ZNF223: variants seen among roughly 807,000 people sequenced by gnomAD.
ZNF223 encodes zinc finger protein 223.
ZNF223 carries 9 observed loss-of-function variants against 12.3 expected under a neutral mutation model. The observed-to-expected ratio is 0.73, with a 90% confidence interval of 0.44 to 1.28. The LOEUF (loss-of-function observed/expected upper bound fraction) is 1.28. Among genes scored for constraint, ZNF223 ranks in the 50% most tolerant of loss-of-function variants. ZNF223 has a pLI of 0.00. For synonymous variants in ZNF223, 171 were observed against 195.2 expected, an observed-to-expected ratio of 0.88 and a Z score of 1.03; for missense variants, 506 against 579.0, an observed-to-expected ratio of 0.87 and a Z score of 1.29.
chr19:44,060,805 A>G lies in ZNF223; in HGVS notation c.199A>G (p.Met67Val). 3 of 1,613,508 alleles carry G rather than the reference A, an allele frequency of 1.9e-6. No individual in the cohort carries two copies. Among genetic ancestry groups the G allele is most frequent in the South Asian group, 2.2e-5 (2 of 91,074 alleles). ...FHFLREEKFW[M>V]MDIATQREGN... The stretch of plus-strand genomic sequence containing the variant: ...CTTTCTAAGGGAGGAAAAGTTTTGG[A>G]TGATGGATATAGCAACCCAAAGGGA... The change falls in exon 4 of 5, where the codon ATG (methionine) becomes GTG (valine). Residue 67 changes from methionine to valine, a missense_variant. Physicochemically the swap from Met to Val is conservative, Grantham distance 21. Transcript: ENST00000434772.
At chr19:44,065,217 T>C (rs1483802185) in intron 4 of ZNF223, among the ~76,000 whole-genome samples, 2 of 152,216 alleles carry the variant, frequency 1.3e-5, no homozygotes, top group Admixed American at 6.5e-5. Context: ...ACCTCTCAGA[T>C]ACTGAGGACA....
In ZNF223 at chr19:44,066,825, A is replaced by T; in HGVS notation, c.997A>T (p.Lys333Ter). The part of the protein sequence containing the change: ...KGFIRRLDLC[K>*]HQTIHTGEKP... ...CTTCATTCGTAGGCTGGATTTGTGT[A>T]AGCATCAGACGATCCACACAGGAGA... is the stretch of plus-strand genomic sequence containing the variant. Residue 333 changes from lysine to a stop codon, truncating the protein, a stop_gained, in exon 5 of 5, where the codon AAG (lysine) becomes TAG (stop). Coordinates refer to ENST00000434772, the MANE Select transcript of ZNF223 (RefSeq NM_013361.6). LOFTEE classifies it low-confidence loss of function (END_TRUNC). 1 of 1,613,920 alleles carries T rather than the reference A, an allele frequency of 6.2e-7. No homozygotes were observed. Among genetic ancestry groups the T allele is most frequent in the Non-Finnish European group, 8.5e-7 (1 of 1,179,980 alleles).
chr19:44,060,539 C>T lies in ZNF223; in HGVS notation c.100C>T (p.Arg34Ter), dbSNP rs200231509. The change falls in exon 3 of 5, where the codon CGA becomes TGA. Residue 34 changes from arginine (R) to a stop codon, truncating the protein, a stop_gained. Coordinates refer to ENST00000434772, the MANE Select transcript of ZNF223 (RefSeq NM_013361.6). LOFTEE classifies it high-confidence loss of function. The part of the protein sequence containing the change: ...LLDLAQRKLY[R>*]DVMLENFRNL... ...GGACCTTGCCCAGAGGAAGCTGTATCGAGATGTGATGCTGGAGAACTTCAG... is the reference window on the plus strand; with the variant it reads ...GGACCTTGCCCAGAGGAAGCTGTATTGAGATGTGATGCTGGAGAACTTCAG... 6.2e-6 allele frequency: 10 copies of T among 1,614,024 alleles called. No individual in the cohort carries two copies. In the East Asian group the frequency reaches 6.7e-5, roughly 11 times the overall value.
intron 3 of ZNF223, 72 bp downstream of exon 3, chr19:44,060,653 T>C: frequency 6.2e-7 from 1 of 1,613,426 alleles, no homozygotes. Context: ...GTGTTCAAGT[T>C]TGAGTGTGCA....
Position 44,056,602 on chromosome 19 carries a change from T to C in ZNF223, c.15+1411T>C, listed in dbSNP as rs1200349394. Reference sequence around the variant, plus strand: ...GCCTCACCATTTTTTTTTTTTTTTTTTTTTTTTTTGAGATAGAGTCTCTCT... The same window carrying C: ...GCCTCACCATTTTTTTTTTTTTTTTCTTTTTTTTTGAGATAGAGTCTCTCT... On this transcript the variant is annotated intron_variant, in intron 2 of 4. Coordinates refer to ENST00000434772, the MANE Select transcript of ZNF223 (RefSeq NM_013361.6). Among the ~76,000 whole-genome samples, 4 of 133,092 alleles carry C rather than the reference T, an allele frequency of 3.0e-5. 1 individual carries two copies. The East Asian group carries it at 7.0e-4, about 23-fold the overall frequency. The allele number at this position is 133,092 out of a possible 152,430, so 87.3% of individuals were successfully genotyped here. A position where few individuals can be genotyped will look rare whatever the true frequency, so the allele number is the denominator to read the frequency against.
At chr19:44,059,554 G>C (rs571724372) in intron 2 of ZNF223, among the ~76,000 whole-genome samples, 2 of 152,342 alleles carry the variant, frequency 1.3e-5, no homozygotes, top group East Asian at 3.9e-4. Flanking sequence ...ACTGCAGCTT[G>C]AGATAAGGAA....
intron 1 of ZNF223, among the ~76,000 whole-genome samples, chr19:44,053,316 G>C (rs950630506): frequency 5.3e-5 from 8 of 152,142 alleles, no homozygotes; most frequent in Non-Finnish European, 8.8e-5. Flanking sequence ...ATCTTGGTGA[G>C]GGGGATGTGG....
chr19:44,066,676 CA>C lies in ZNF223; in HGVS notation c.849del (p.Glu285ArgfsTer11). 6.2e-7 allele frequency: 1 copy of C among 1,614,178 alleles called. No homozygotes were observed. The highest frequency in any genetic ancestry group is 1.7e-5 in the Admixed American group (1 of 60,032). ...CTTCAGAAACATCAGAGAATTCACA[CA>C]GGGGAGAAGCCATTCAAATGTGAGA... ...FQLQKHQRIHTGEKPFKCEIC... is the reference protein window; with the variant it reads ...FQLQKHQRIHXGEKPFKCEIC... On this transcript the variant is annotated frameshift_variant, in exon 5 of 5. Coordinates refer to ENST00000434772, the MANE Select transcript of ZNF223 (RefSeq NM_013361.6). LOFTEE classifies it low-confidence loss of function (END_TRUNC).
At chr19:44,063,747 A>G (rs950334288) in intron 4 of ZNF223, among the ~76,000 whole-genome samples, 5 of 152,266 alleles carry the variant, frequency 3.3e-5, no homozygotes, top group Admixed American at 2.0e-4. Context: ...AGCGACTTGT[A>G]TCCTTGCCAC....
intron 4 of ZNF223, among the ~76,000 whole-genome samples, chr19:44,062,801 C>T (rs577290546): frequency 1.6e-3 from 247 of 152,296 alleles, no homozygotes; most frequent in African/African-American, 5.8e-3. Flanking sequence ...ATCTGCAGCC[C>T]ATTTGCCTTT....
At position 44,067,154 on chromosome 19, in the gene ZNF223, C is replaced by T; in HGVS notation, c.1326C>T (p.Tyr442=). The change falls in exon 5 of 5, where the codon TAC becomes TAT. Residue 442 remains tyrosine, a synonymous_variant. Transcript: ENST00000434772. The part of the protein sequence containing the change: ...DCGKKLVYRS[Y]RKDQQKNHSG... ...GAAAGAAGCTTGTATACCGGTCATA[C>T]CGTAAAGACCAACAAAAAAACCACA... is the stretch of plus-strand genomic sequence containing the variant. The T allele has an allele frequency of 6.2e-7, 1 of 1,613,134 alleles. No homozygotes were observed. Among genetic ancestry groups the T allele is most frequent in the South Asian group, 1.1e-5 (1 of 90,730 alleles).
At position 44,067,415 on chromosome 19, in the gene ZNF223, T is replaced by C. The variant is rs1599873127; in HGVS notation, c.*138T>C. ...GTTGAGAAAATTAAAAATTCATTGTTCCAGCAGTTTGAAAATAAATTGTTG... is the reference window on the plus strand; with the variant it reads ...GTTGAGAAAATTAAAAATTCATTGTCCCAGCAGTTTGAAAATAAATTGTTG... On this transcript the variant is annotated 3_prime_UTR_variant, in exon 5 of 5. Transcript: ENST00000434772. 2 of 1,066,138 alleles carry C rather than the reference T, an allele frequency of 1.9e-6. No homozygotes were observed. Among genetic ancestry groups the C allele is most frequent in the Middle Eastern group, 4.1e-4 (2 of 4,876 alleles). The allele number at this position is 1,066,138 out of a possible 1,614,324, so 66.0% of individuals were successfully genotyped here. A position where few individuals can be genotyped will look rare whatever the true frequency, so the allele number is the denominator to read the frequency against.
chr19:44,061,975 C>T (rs1180082377), intron 4 of ZNF223, among the ~76,000 whole-genome samples: 2 of 152,168 alleles, frequency 1.3e-5, no homozygotes, highest in African/African-American at 4.8e-5. Context: ...ACTGATAGAT[C>T]ACCTGTTCCC....
chr19:44,064,466 A>G (rs1000386562), intron 4 of ZNF223, among the ~76,000 whole-genome samples: 3 of 152,174 alleles, frequency 2.0e-5, no homozygotes, highest in African/African-American at 4.8e-5. Flanking sequence ...GAAAAATAAG[A>G]TTAAGTATTT....
chr19:44,066,821 G>C lies in ZNF223; in HGVS notation c.993G>C (p.Leu331Phe), dbSNP rs1310551119. 2 of 1,613,420 alleles carry C rather than the reference G, an allele frequency of 1.2e-6. No individual in the cohort carries two copies. Among genetic ancestry groups the C allele is most frequent in the South Asian group, 2.2e-5 (2 of 91,040 alleles). The change falls in exon 5 of 5, where the codon TTG (leucine) becomes TTC (phenylalanine). Residue 331 changes from leucine to phenylalanine, a missense_variant. By Grantham distance (22) the Leu-to-Phe change is conservative (BLOSUM62 0). Coordinates refer to ENST00000434772, the MANE Select transcript of ZNF223 (RefSeq NM_013361.6). ...YGKGFIRRLD[L>F]CKHQTIHTGE... Reference sequence around the variant, plus strand: ...AAGGCTTCATTCGTAGGCTGGATTTGTGTAAGCATCAGACGATCCACACAG... The same window carrying C: ...AAGGCTTCATTCGTAGGCTGGATTTCTGTAAGCATCAGACGATCCACACAG...
At position 44,067,157 on chromosome 19, in the gene ZNF223, TA is replaced by T. The variant is rs753103881; in HGVS notation, c.1332del (p.Asp445ThrfsTer25). 21 of 1,612,888 alleles carry T rather than the reference TA, an allele frequency of 1.3e-5. No homozygotes were observed. Among genetic ancestry groups the T allele is most frequent in the Non-Finnish European group, 1.8e-5 (21 of 1,179,792 alleles). ...AGAAGCTTGTATACCGGTCATACCGTAAAGACCAACAAAAAAACCACAGTGG... is the reference window on the plus strand; with the variant it reads ...AGAAGCTTGTATACCGGTCATACCGTAAGACCAACAAAAAAACCACAGTGG... ...GKKLVYRSYR[K>X]DQQKNHSGEN... On this transcript the variant is annotated frameshift_variant, in exon 5 of 5. Transcript: ENST00000434772. LOFTEE classifies it low-confidence loss of function (END_TRUNC).
intron 1 of ZNF223, among the ~76,000 whole-genome samples, chr19:44,054,171 TC>T (rs1300755353): frequency 4.4e-4 from 67 of 150,764 alleles, no homozygotes; most frequent in African/African-American, 1.6e-3. Context: ...GATGCCCTTT[TC>T]TTTTTTTTTT....
intron 1 of ZNF223, among the ~76,000 whole-genome samples, chr19:44,053,094 ATT>A: frequency 6.6e-6 from 1 of 152,190 alleles, no homozygotes; most frequent in East Asian, 1.9e-4. Context: ...ATAGTTGTTC[ATT>A]TGGAGTTTGA....
Position 44,067,063 on chromosome 19 carries a change from C to T in ZNF223, c.1235C>T (p.Ala412Val). The T allele has an allele frequency of 6.2e-7, 1 of 1,613,774 alleles. No homozygotes were observed. The highest frequency in any genetic ancestry group is 8.5e-7 in the Non-Finnish European group (1 of 1,179,956). The change falls in exon 5 of 5, where the codon GCC becomes GTC. Residue 412 changes from alanine (A) to valine (V), a missense_variant. Transcript: ENST00000434772. ...GACTGTGGGAAGAGCTTTAGACAGGCCTCAAGTATTTTGAATCATAAGAGA... is the reference window on the plus strand; with the variant it reads ...GACTGTGGGAAGAGCTTTAGACAGGTCTCAAGTATTTTGAATCATAAGAGA... ...CDDCGKSFRQ[A>V]SSILNHKRLH...
Sources: gnomAD v4.1 joint callset for allele counts (sites outside exome capture counted in the v4.1 genomes callset) on GRCh38, gnomAD v4.1.1 for gene constraint, MANE v1.5 for transcripts, NCBI Gene and HGNC (gene_info 2026-07-23, HGNC 2026-07-21) for gene names.